Variants in NLGN1 observed in about 807,000 individuals in gnomAD.
NLGN1 encodes the protein neuroligin-1.
In NLGN1, 12 loss-of-function variants were observed where a neutral mutation model predicts 65.5. The ratio of observed to expected loss-of-function variants is 0.18; its 90% CI spans 0.12 to 0.30. The LOEUF (loss-of-function observed/expected upper bound fraction) is 0.30, where lower values mean the gene tolerates loss of function less well. NLGN1 is among the 10% of genes least tolerant of loss of function. NLGN1 has a pLI of 1.00. For missense variants in NLGN1, 750 were observed against 1,007.1 expected, an observed-to-expected ratio of 0.74 and a Z score of 3.46; for synonymous variants, 350 against 359.5, an observed-to-expected ratio of 0.97 and a Z score of 0.30.
At chr3:173,847,808 G>T (rs1256760256) in intron 4 of NLGN1, among the ~76,000 whole-genome samples, 1 of 152,022 alleles carries the variant, frequency 6.6e-6, no homozygotes, top group Non-Finnish European at 1.5e-5. Flanking sequence ...GGAGGCAGAG[G>T]TTGCAGTGAA....
chr3:174,143,696 G>A (rs1028736771), intron 4 of NLGN1, among the ~76,000 whole-genome samples: 1 of 152,216 alleles, frequency 6.6e-6, no homozygotes, highest in Non-Finnish European at 1.5e-5. Context: ...AATAGTCTAT[G>A]TATAAAATTA....
chr3:173,542,277 G>C (rs1056739158), intron 2 of NLGN1, among the ~76,000 whole-genome samples: 4 of 151,894 alleles, frequency 2.6e-5, no homozygotes. Context: ...TATGTATGCA[G>C]ACTCTGCAGA....
At chr3:174,017,520 G>A (rs1004041048) in intron 4 of NLGN1, among the ~76,000 whole-genome samples, 6 of 152,098 alleles carry the variant, frequency 3.9e-5, no homozygotes, top group Non-Finnish European at 7.4e-5. Context: ...TCTTTCAGGG[G>A]AACCTGCCCC....
intron 4 of NLGN1, among the ~76,000 whole-genome samples, chr3:173,890,765 C>T (rs559910692): frequency 1.6e-4 from 25 of 152,202 alleles, no homozygotes; most frequent in Admixed American, 5.9e-4. Context: ...TGGAAAAATC[C>T]GAGAGCTCCT....
rs557355433 is a variant in NLGN1 at position 174,016,244 on chromosome 3, G to A, written c.646+208412G>A. On this transcript the variant is annotated intron_variant, in intron 4 of 6. Coordinates refer to ENST00000457714, the Ensembl canonical transcript of NLGN1. Reference sequence around the variant, plus strand: ...AATGTCTGTTTGCTGAAGACCGTTAGAGTGAGCATCAGAGAAACTTTTGGG... The same window carrying A: ...AATGTCTGTTTGCTGAAGACCGTTAAAGTGAGCATCAGAGAAACTTTTGGG... Among the ~76,000 whole-genome samples, 88 of 152,262 alleles carry A rather than the reference G, an allele frequency of 5.8e-4. 1 individual carries two copies. Among genetic ancestry groups the A allele is most frequent in the Non-Finnish European group, 1.0e-3 (70 of 68,014 alleles).
chr3:173,956,453 G>T (rs1712071885), intron 4 of NLGN1, among the ~76,000 whole-genome samples: 1 of 151,768 alleles, frequency 6.6e-6, no homozygotes, highest in Non-Finnish European at 1.5e-5. Context: ...ATGTTATTCT[G>T]GGAAAAAATA....
At chr3:174,214,529 T>G (rs1290448083) in intron 4 of NLGN1, among the ~76,000 whole-genome samples, 1 of 152,186 alleles carries the variant, frequency 6.6e-6, no homozygotes, top group African/African-American at 2.4e-5. Flanking sequence ...TGGACCCATA[T>G]TCACAAGTCC....
chr3:173,940,820 A>G lies in NLGN1; in HGVS notation c.646+132988A>G, dbSNP rs556492412. Among the ~76,000 whole-genome samples the G allele has an allele frequency of 1.7e-3, 259 of 152,306 alleles. 5 individuals are homozygous for G. The highest frequency in any genetic ancestry group is 1.9e-3 in the Non-Finnish European group (126 of 68,020). On this transcript the variant is annotated intron_variant, in intron 4 of 6. Transcript: ENST00000457714. ...ACTGAATATCTACGTGCATTTGCCT[A>G]TGACGTATTCTTAGAACTAGCCAAC...
chr3:173,886,969 A>G (rs903937025), intron 4 of NLGN1, among the ~76,000 whole-genome samples: 20 of 152,084 alleles, frequency 1.3e-4, no homozygotes, highest in Non-Finnish European at 1.0e-4. Context: ...TTCATAATTT[A>G]TCAGAGACAA....
intron 3 of NLGN1, among the ~76,000 whole-genome samples, chr3:173,709,550 C>A (rs1768586602): frequency 6.6e-6 from 1 of 151,886 alleles, no homozygotes; most frequent in Non-Finnish European, 1.5e-5. Context: ...GCCTGTAATC[C>A]CAGCACTTGG....
chr3:173,765,257 T>C (rs1778602300), intron 3 of NLGN1, among the ~76,000 whole-genome samples: 1 of 152,100 alleles, frequency 6.6e-6, no homozygotes, highest in Admixed American at 6.6e-5. Context: ...GAAAAATATA[T>C]AGAACAATGT....
intron 4 of NLGN1, among the ~76,000 whole-genome samples, chr3:173,865,372 C>T (rs933307485): frequency 2.0e-5 from 3 of 151,950 alleles, no homozygotes; most frequent in African/African-American, 2.4e-5. Flanking sequence ...CATCCTCATC[C>T]CCAAAATGCT....
intron 3 of NLGN1, among the ~76,000 whole-genome samples, chr3:173,625,198 A>T (rs148241667): frequency 6.6e-6 from 1 of 152,252 alleles, no homozygotes; most frequent in East Asian, 1.9e-4. Flanking sequence ...TGGGCAGATA[A>T]AGTAGAATGG....
intron 4 of NLGN1, among the ~76,000 whole-genome samples, chr3:173,851,482 T>C (rs1217124259): frequency 6.6e-6 from 1 of 152,202 alleles, no homozygotes; most frequent in Non-Finnish European, 1.5e-5. Flanking sequence ...AAATGCTTAC[T>C]TTTCTGAAGA....
chr3:174,118,894 A>G (rs369446709), intron 4 of NLGN1, among the ~76,000 whole-genome samples: 3 of 152,256 alleles, frequency 2.0e-5, no homozygotes, highest in East Asian at 3.9e-4. Context: ...GAATGTGAGC[A>G]CTGCCTGACA....
chr3:173,534,502 G>A lies in NLGN1; in HGVS notation c.-320-69777G>A, dbSNP rs555897508. 1.2e-4 allele frequency among the ~76,000 whole-genome samples: 18 copies of A among 152,084 alleles called. No individual in the cohort carries two copies. In the South Asian group the frequency reaches 1.2e-3, roughly 11 times the overall value. On this transcript the variant is annotated intron_variant, in intron 2 of 6. Coordinates refer to ENST00000457714, the Ensembl canonical transcript of NLGN1. The stretch of plus-strand genomic sequence containing the variant: ...CCCCCCATGGCACTTTGCTTATGCC[G>A]GTTTCATGGCAATTATTACATATGC...
At chr3:173,665,597 T>G (rs1467010155) in intron 3 of NLGN1, among the ~76,000 whole-genome samples, 1 of 152,198 alleles carries the variant, frequency 6.6e-6, no homozygotes, top group African/African-American at 2.4e-5. Context: ...ATCTCGCATG[T>G]GTAAACAGTG....
rs574630680 is a variant in NLGN1 at position 173,991,891 on chromosome 3, C to A, written c.646+184059C>A. On this transcript the variant is annotated intron_variant, in intron 4 of 6. Coordinates refer to ENST00000457714, the Ensembl canonical transcript of NLGN1. Reference sequence around the variant, plus strand: ...GCAATGGCGCGATCTTGGCTCACTGCAACCTCTGCCTCCTGTGTTCTAGCG... The same window carrying A: ...GCAATGGCGCGATCTTGGCTCACTGAAACCTCTGCCTCCTGTGTTCTAGCG... Among the ~76,000 whole-genome samples, 11 of 152,238 alleles carry A rather than the reference C, an allele frequency of 7.2e-5. No homozygotes were observed. The South Asian group carries it at 2.3e-3, about 32-fold the overall frequency.
At chr3:173,694,708 G>A (rs544651272) in intron 3 of NLGN1, among the ~76,000 whole-genome samples, 21 of 152,208 alleles carry the variant, frequency 1.4e-4, no homozygotes, top group Admixed American at 1.2e-3. Flanking sequence ...ATTGAAATAT[G>A]AGATTATAAG....
Sources: gnomAD v4.1 joint callset for allele counts (sites outside exome capture counted in the v4.1 genomes callset) on GRCh38, gnomAD v4.1.1 for gene constraint, MANE v1.5 for transcripts, NCBI Gene and HGNC (gene_info 2026-07-23, HGNC 2026-07-21) for gene names.